GNAQ: variants seen among roughly 807,000 people sequenced by gnomAD.
GNAQ encodes the protein guanine nucleotide-binding protein G(q) subunit alpha.
In GNAQ, 8 loss-of-function variants were observed where a neutral mutation model predicts 43.9. The ratio of observed to expected loss-of-function variants is 0.18; its 90% confidence interval spans 0.11 to 0.33. GNAQ has a LOEUF of 0.33. GNAQ is among the 10% of genes least tolerant of loss of function. The pLI, the probability that GNAQ is intolerant of heterozygous loss-of-function variation, is 1.00. For missense variants in GNAQ, 158 were observed against 450.8 expected (o/e 0.35, Z 5.88); for synonymous variants, 155 against 170.7 (o/e 0.91, Z 0.71).
chr9:77,766,171 G>A (rs182920884), intron 5 of GNAQ, among the ~76,000 whole-genome samples: 4 of 152,242 alleles, frequency 2.6e-5, no homozygotes, highest in African/African-American at 9.6e-5. Context: ...AATGTTTTTA[G>A]TATCACTGAA....
At chr9:77,787,465 A>G (rs2118422286) in intron 5 of GNAQ, among the ~76,000 whole-genome samples, 2 of 152,332 alleles carry the variant, frequency 1.3e-5, no homozygotes, top group Middle Eastern at 6.8e-3. Context: ...AGGTAAAAAT[A>G]GTGGAGAAAA....
intron 1 of GNAQ, among the ~76,000 whole-genome samples, chr9:78,007,125 A>G (rs1823716718): frequency 6.6e-6 from 1 of 152,206 alleles, no homozygotes; most frequent in Admixed American, 6.5e-5. Flanking sequence ...TATGGTTTCA[A>G]GATAGGTGAC....
At chr9:77,997,297 A>G (rs1823581426) in intron 1 of GNAQ, among the ~76,000 whole-genome samples, 1 of 152,166 alleles carries the variant, frequency 6.6e-6, no homozygotes, top group Non-Finnish European at 1.5e-5. Flanking sequence ...ATAAAATGTC[A>G]ATTAGAAGGC....
chr9:77,929,233 A>G (rs1829112905), intron 1 of GNAQ, among the ~76,000 whole-genome samples: 1 of 152,086 alleles, frequency 6.6e-6, no homozygotes, highest in Non-Finnish European at 1.5e-5. Context: ...CTCTGGATGT[A>G]TTTTGGAGAA....
chr9:77,809,928 G>T (rs992322083), intron 3 of GNAQ, among the ~76,000 whole-genome samples: 2 of 152,120 alleles, frequency 1.3e-5, no homozygotes, highest in African/African-American at 2.4e-5. Context: ...CTGTAACTTA[G>T]AACATCTTTC....
At chr9:77,751,693 T>C (rs1825814015) in intron 5 of GNAQ, among the ~76,000 whole-genome samples, 2 of 152,168 alleles carry the variant, frequency 1.3e-5, no homozygotes, top group Admixed American at 6.5e-5. Flanking sequence ...AGCTCTTTAT[T>C]CTCCTTAGTA....
chr9:77,815,113 T>A (rs1221238132), intron 3 of GNAQ, among the ~76,000 whole-genome samples: 1 of 152,186 alleles, frequency 6.6e-6, no homozygotes. Context: ...ATCAACATAA[T>A]AGTGGCTCTC....
At chr9:77,774,103 A>C (rs564219460) in intron 5 of GNAQ, among the ~76,000 whole-genome samples, 3 of 152,134 alleles carry the variant, frequency 2.0e-5, no homozygotes, top group African/African-American at 7.2e-5. Flanking sequence ...AGACCACAGC[A>C]TTTTCATTTG....
intron 2 of GNAQ, among the ~76,000 whole-genome samples, chr9:77,870,063 A>C: frequency 6.6e-6 from 1 of 152,204 alleles, no homozygotes; most frequent in Non-Finnish European, 1.5e-5. Flanking sequence ...AATAGGAAAA[A>C]TAATTGCTTC....
intron 1 of GNAQ, among the ~76,000 whole-genome samples, chr9:78,000,032 C>T (rs1823624031): frequency 6.6e-6 from 1 of 152,048 alleles, no homozygotes; most frequent in Non-Finnish European, 1.5e-5. Flanking sequence ...TAAAACCACA[C>T]ATTAAAAGAG....
chr9:77,832,412 G>T (rs1441203750), intron 2 of GNAQ, among the ~76,000 whole-genome samples: 1 of 152,186 alleles, frequency 6.6e-6, no homozygotes, highest in African/African-American at 2.4e-5. Flanking sequence ...ACACTACAGG[G>T]TGGGAACAAA....
intron 5 of GNAQ, among the ~76,000 whole-genome samples, chr9:77,743,414 A>G (rs1213812010): frequency 1.3e-5 from 2 of 152,188 alleles, no homozygotes; most frequent in Admixed American, 6.5e-5. Context: ...AATAGGTGGG[A>G]AAATTTTTGA....
chr9:78,002,548 G>A (rs144353935), intron 1 of GNAQ, among the ~76,000 whole-genome samples: 5 of 152,250 alleles, frequency 3.3e-5, no homozygotes, highest in East Asian at 1.9e-4. Flanking sequence ...TGATCTCCGC[G>A]TGGCCTTTTC....
intron 5 of GNAQ, among the ~76,000 whole-genome samples, chr9:77,767,451 T>G (rs1826154872): frequency 6.6e-6 from 1 of 152,160 alleles, no homozygotes; most frequent in Non-Finnish European, 1.5e-5. Flanking sequence ...AGTCAGCTGC[T>G]CTGGTAGTAT....
intron 5 of GNAQ, among the ~76,000 whole-genome samples, chr9:77,786,193 C>T (rs1205602425): frequency 2.0e-5 from 3 of 151,744 alleles, no homozygotes; most frequent in South Asian, 2.1e-4. Flanking sequence ...CTGGCTAACA[C>T]GGTGAAACCC....
chr9:77,849,848 T>C (rs1485966942), intron 2 of GNAQ, among the ~76,000 whole-genome samples: 1 of 152,164 alleles, frequency 6.6e-6, no homozygotes, highest in African/African-American at 2.4e-5. Flanking sequence ...AAATTTTCTG[T>C]AGAGATGGAG....
chr9:77,760,452 G>T (rs965600738), intron 5 of GNAQ, among the ~76,000 whole-genome samples: 1 of 152,072 alleles, frequency 6.6e-6, no homozygotes, highest in African/African-American at 2.4e-5. Context: ...CGAGTGATCC[G>T]CCAGCCTCGG....
At chr9:77,757,654 T>C (rs1007573999) in intron 5 of GNAQ, among the ~76,000 whole-genome samples, 1 of 152,212 alleles carries the variant, frequency 6.6e-6, no homozygotes, top group Non-Finnish European at 1.5e-5. Flanking sequence ...ATCACGATAG[T>C]GCTCCCAATA....
intron 2 of GNAQ, among the ~76,000 whole-genome samples, chr9:77,899,360 G>C (rs1405156764): frequency 6.6e-6 from 1 of 152,020 alleles, no homozygotes; most frequent in African/African-American, 2.4e-5. Context: ...GCCTCCCAAA[G>C]TGCTGGGACT....
Sources: gnomAD v4.1 joint callset for allele counts (sites outside exome capture counted in the v4.1 genomes callset) on GRCh38, gnomAD v4.1.1 for gene constraint, MANE v1.5 for transcripts, NCBI Gene and HGNC (gene_info 2026-07-23, HGNC 2026-07-21) for gene names.